The following ASTN2 variants were observed in gnomAD, a reference collection of about 807,000 sequenced individuals.
ASTN2 encodes the protein astrotactin-2.
A neutral mutation model predicts 139.8 loss-of-function variants in ASTN2; 54 were observed. The ratio of observed to expected loss-of-function variants is 0.39; its 90% CI spans 0.31 to 0.48. ASTN2 has a LOEUF of 0.48. ASTN2 is among the 20% of genes least tolerant of loss of function. The pLI is 0.95. For synonymous variants in ASTN2, 756 were observed against 719.5 expected, an observed-to-expected ratio of 1.05 and a Z score of -0.81; for missense variants, 1,565 against 1,725.1, an observed-to-expected ratio of 0.91 and a Z score of 1.64.
intron 3 of ASTN2, among the ~76,000 whole-genome samples, chr9:117,170,966 G>A (rs946826158): frequency 6.6e-6 from 1 of 152,070 alleles, no homozygotes; most frequent in African/African-American, 2.4e-5. Context: ...TTATGTGACA[G>A]GGCAGCATGG....
rs543768875 is a variant in ASTN2 at position 117,310,421 on chromosome 9, A to C, written c.443-18908T>G. ...CCTCTTCCTTGGCGCTCGTCTTTCT[A>C]GTACAGTGTAGTAAAGCATTCTCCT... On this transcript the variant is annotated intron_variant, in intron 1 of 22. Transcript: ENST00000313400. Among the ~76,000 whole-genome samples, 3 of 152,196 alleles carry C rather than the reference A, an allele frequency of 2.0e-5. No individual in the cohort carries two copies. In the South Asian group the frequency reaches 6.2e-4, roughly 32 times the overall value.
At chr9:116,660,591 C>A (rs1431211410) in intron 16 of ASTN2, among the ~76,000 whole-genome samples, 1 of 152,060 alleles carries the variant, frequency 6.6e-6, no homozygotes, top group Non-Finnish European at 1.5e-5. Flanking sequence ...GTCATTTGTT[C>A]CAGCCCCTGG....
intron 11 of ASTN2, 55 bp downstream of exon 11, chr9:116,863,528 C>A: frequency 5.7e-6 from 9 of 1,587,622 alleles, no homozygotes; most frequent in Non-Finnish European, 7.7e-6. Flanking sequence ...GGGCTTCTAG[C>A]AGGTGGCCTT....
Position 116,632,252 on chromosome 9 carries a change from G to GAAAGAAAGAAAGAAGGAAA in ASTN2, c.3073-11810_3073-11809insTTTCCTTCTTTCTTTCTTT, listed in dbSNP as rs1856833378. Among the ~76,000 whole-genome samples, 17 of 70,902 alleles carry GAAAGAAAGAAAGAAGGAAA rather than the reference G, an allele frequency of 2.4e-4. 1 individual carries two copies. The highest frequency in any genetic ancestry group is 1.6e-3 in the East Asian group (3 of 1,856). 46.5% of individuals were successfully genotyped at this position (70,902 alleles called of 152,430 possible). A position where few individuals can be genotyped will look rare whatever the true frequency, so the allele number is the denominator to read the frequency against. On this transcript the variant is annotated intron_variant, in intron 17 of 22. Transcript: ENST00000313400. ...AAGAAAGAAAGAAAGAAAGAAAGAA[G>GAAAGAAAGAAAGAAGGAAA]GAAAGAAAGAAAGAAAGAAAGAAAG...
At chr9:117,336,232 G>A (rs937950687) in intron 1 of ASTN2, among the ~76,000 whole-genome samples, 1 of 152,238 alleles carries the variant, frequency 6.6e-6, no homozygotes. Flanking sequence ...CTGGTGCACA[G>A]CTCCCAAGAG....
intron 19 of ASTN2, among the ~76,000 whole-genome samples, chr9:116,493,234 G>A (rs984953973): frequency 6.6e-6 from 1 of 152,144 alleles, no homozygotes; most frequent in African/African-American, 2.4e-5. Context: ...GGAGGCCTCT[G>A]CTCCGTCCTC....
At chr9:117,324,206 A>G (rs10983620) in intron 1 of ASTN2, among the ~76,000 whole-genome samples, 10,442 of 152,278 alleles carry the variant, frequency 0.069, 535 homozygotes, top group Non-Finnish European at 0.1. Context: ...TTTTCCAGGG[A>G]AAGAGAAAGG....
At chr9:116,519,193 T>C (rs992720594) in intron 19 of ASTN2, among the ~76,000 whole-genome samples, 3 of 152,158 alleles carry the variant, frequency 2.0e-5, no homozygotes, top group African/African-American at 7.2e-5. Flanking sequence ...ACTGAATAAC[T>C]GCAGAATATA....
intron 2 of ASTN2, among the ~76,000 whole-genome samples, chr9:117,236,858 G>A (rs1006117112): frequency 7.2e-5 from 11 of 152,160 alleles, no homozygotes; most frequent in Non-Finnish European, 1.0e-4. Flanking sequence ...TAGTTATAGC[G>A]TCTAACACCT....
Position 116,808,699 on chromosome 9 carries a change from T to C in ASTN2, c.2208-2879A>G, listed in dbSNP as rs1319357406. ...AACAGATACTCAGAAAAGAAATTGC[T>C]TGGTTAATGTTTTATGAATTTTAAA... On this transcript the variant is annotated intron_variant, in intron 12 of 22. Coordinates refer to ENST00000313400, the MANE Select transcript of ASTN2 (RefSeq NM_001365068.1). Among the ~76,000 whole-genome samples the C allele has an allele frequency of 1.3e-5, 2 of 152,174 alleles. 1 individual carries two copies. The highest frequency in any genetic ancestry group is 2.9e-5 in the Non-Finnish European group (2 of 68,022).
rs147794611 is a variant in ASTN2, at chr9:116,496,468, G to T, written c.3356-8968C>A. On this transcript the variant is annotated intron_variant, in intron 19 of 22. Coordinates refer to ENST00000313400, the MANE Select transcript of ASTN2 (RefSeq NM_001365068.1). ...ATGGGGTAAAGGGCAGAGTAAGACA[G>T]GGAAGAGAAAAAGTCAATATAAAGG... 3.7e-4 allele frequency among the ~76,000 whole-genome samples: 56 copies of T among 152,216 alleles called. No individual in the cohort carries two copies. In the East Asian group the frequency reaches 8.5e-3, roughly 23 times the overall value.
At chr9:117,230,750 G>T (rs962068074) in intron 2 of ASTN2, among the ~76,000 whole-genome samples, 1 of 152,146 alleles carries the variant, frequency 6.6e-6, no homozygotes, top group African/African-American at 2.4e-5. Context: ...TTCCTCAGTG[G>T]CTATTCTGGG....
intron 1 of ASTN2, among the ~76,000 whole-genome samples, chr9:117,313,654 G>T (rs938017929): frequency 2.6e-5 from 4 of 152,130 alleles, no homozygotes; most frequent in African/African-American, 9.7e-5. Context: ...ATTGATAAAT[G>T]GGGGCCAAAG....
chr9:116,521,205 A>G (rs1167438967), intron 19 of ASTN2, among the ~76,000 whole-genome samples: 4 of 152,022 alleles, frequency 2.6e-5, no homozygotes, highest in Non-Finnish European at 4.4e-5. Context: ...AAGCAAGACT[A>G]AACAACAAAT....
intron 12 of ASTN2, among the ~76,000 whole-genome samples, chr9:116,817,053 G>C (rs1204486041): frequency 6.6e-6 from 1 of 152,040 alleles, no homozygotes; most frequent in African/African-American, 2.4e-5. Context: ...CCAGCACTTT[G>C]GGAGGATGAG....
chr9:116,513,905 T>A (rs984370541), intron 19 of ASTN2, among the ~76,000 whole-genome samples: 4 of 151,982 alleles, frequency 2.6e-5, no homozygotes, highest in African/African-American at 9.7e-5. Flanking sequence ...ATTCTTCTAA[T>A]CTTTTTTCAA....
intron 10 of ASTN2, among the ~76,000 whole-genome samples, chr9:116,885,389 A>G (rs1468683034): frequency 1.3e-5 from 2 of 152,158 alleles, no homozygotes; most frequent in Non-Finnish European, 2.9e-5. Flanking sequence ...CGGAGCACGG[A>G]GCACAGTGGC....
At chr9:116,963,169 G>A (rs1456319405) in intron 10 of ASTN2, among the ~76,000 whole-genome samples, 3 of 152,152 alleles carry the variant, frequency 2.0e-5, no homozygotes, top group African/African-American at 7.2e-5. Flanking sequence ...ATAGCAATGA[G>A]GTGCCTATGA....
intron 7 of ASTN2, among the ~76,000 whole-genome samples, chr9:116,985,180 C>A (rs988577964): frequency 3.6e-4 from 55 of 152,170 alleles, no homozygotes; most frequent in African/African-American, 1.3e-3. Context: ...CTCTGATATC[C>A]CTTTCTTCCT....
Sources: allele counts gnomAD v4.1 joint callset (sites outside exome capture counted in the v4.1 genomes callset), GRCh38; gene constraint gnomAD v4.1.1; transcripts MANE v1.5; gene names NCBI Gene and HGNC (gene_info 2026-07-23, HGNC 2026-07-21).